The following ASPRV1 variants were observed in gnomAD, a reference collection of about 807,000 sequenced individuals.
ASPRV1 encodes aspartic peptidase retroviral like 1, also known as retroviral-like aspartic protease 1.
Under a neutral mutation model 11.0 loss-of-function variants are expected in ASPRV1, and 7 were observed. The ratio of observed to expected loss-of-function variants is 0.64; its 90% CI spans 0.36 to 1.20. The LOEUF (loss-of-function observed/expected upper bound fraction) is 1.20, where lower values mean the gene tolerates loss of function less well. Ranked by LOEUF, ASPRV1 falls within the 50% of genes most tolerant of loss-of-function variation. The pLI is 0.02. For synonymous variants in ASPRV1, 136 were observed against 138.4 expected (o/e 0.98, Z 0.12); for missense variants, 299 against 320.0 (o/e 0.93, Z 0.50).
At chr2:70,073,808 A>T in the ASPRV1 span, among the ~76,000 whole-genome samples, 1 of 151,952 alleles carries the variant, frequency 6.6e-6, no homozygotes, top group Admixed American at 6.6e-5. Context: ...TTGCCCTAGA[A>T]TCTGGCATCT....
At chr2:69,933,461 C>G in the ASPRV1 span, among the ~76,000 whole-genome samples, 2 of 152,122 alleles carry the variant, frequency 1.3e-5, no homozygotes, top group Middle Eastern at 3.4e-3. Context: ...TTTGCTCTGA[C>G]TCTGCCACAT....
At chr2:70,032,261 G>A in the ASPRV1 span, 1 of 152,282 alleles carries the variant, frequency 6.6e-6, no homozygotes, top group Middle Eastern at 3.4e-3. Flanking sequence ...CCTCCCTAAG[G>A]AATGAGCAAG....
the ASPRV1 span, chr2:69,938,355 TG>T: frequency 3.4e-6 from 5 of 1,483,392 alleles, no homozygotes; most frequent in Non-Finnish European, 4.6e-6. Flanking sequence ...GTATTGGACC[TG>T]CCCACAACTC....
the ASPRV1 span, chr2:70,019,351 G>C: frequency 6.6e-6 from 1 of 152,122 alleles, no homozygotes; most frequent in Non-Finnish European, 1.5e-5. Context: ...AAAACACTAT[G>C]GTGGTTCCTC....
At chr2:69,935,851 G>A in the ASPRV1 span, among the ~76,000 whole-genome samples, 15 of 152,176 alleles carry the variant, frequency 9.9e-5, no homozygotes, top group Admixed American at 2.0e-4. Context: ...GGTCCCTCCC[G>A]TCTGCTTTCC....
At chr2:69,951,221 C>T in the ASPRV1 span, among the ~76,000 whole-genome samples, 1 of 151,630 alleles carries the variant, frequency 6.6e-6, no homozygotes, top group South Asian at 2.1e-4. Context: ...GTCAAGAGAT[C>T]GAGACCATCC....
At chr2:69,978,912 C>T in the ASPRV1 span, among the ~76,000 whole-genome samples, 1 of 152,132 alleles carries the variant, frequency 6.6e-6, no homozygotes, top group African/African-American at 2.4e-5. Flanking sequence ...CTCTGTGTGG[C>T]CAGATTATTT....
chr2:70,058,271 TCTCA>T, the ASPRV1 span, among the ~76,000 whole-genome samples: 2 of 152,220 alleles, frequency 1.3e-5, no homozygotes, highest in African/African-American at 4.8e-5. Flanking sequence ...GGAAACTGAG[TCTCA>T]CTCTGTCACC....
chr2:70,075,796 G>A, the ASPRV1 span, among the ~76,000 whole-genome samples: 12 of 151,952 alleles, frequency 7.9e-5, no homozygotes, highest in African/African-American at 2.9e-4. Flanking sequence ...TTGCGGTGAG[G>A]TGAGATCACG....
At chr2:69,996,961 C>T in the ASPRV1 span, 5 of 294,478 alleles carry the variant, frequency 1.7e-5, no homozygotes, top group Non-Finnish European at 3.4e-5. Context: ...TCCAACAGTC[C>T]TCAGCAGGGG....
the ASPRV1 span, among the ~76,000 whole-genome samples, chr2:70,082,344 G>GA: frequency 2.9e-4 from 44 of 152,176 alleles, no homozygotes; most frequent in South Asian, 8.5e-3. Context: ...TGAGGCAGAA[G>GA]AATCACTTGA....
the ASPRV1 span, among the ~76,000 whole-genome samples, chr2:70,042,555 T>C: frequency 7.9e-5 from 12 of 151,938 alleles, no homozygotes; most frequent in African/African-American, 2.9e-4. Flanking sequence ...AAAGGTGAGA[T>C]GGAGGGAAAG....
At chr2:70,012,943 G>A in the ASPRV1 span, among the ~76,000 whole-genome samples, 2 of 152,198 alleles carry the variant, frequency 1.3e-5, no homozygotes. Context: ...ACAACTGACA[G>A]TATTTGTTGC....
chr2:70,072,280 G>A, the ASPRV1 span, among the ~76,000 whole-genome samples: 1 of 151,946 alleles, frequency 6.6e-6, no homozygotes, highest in Non-Finnish European at 1.5e-5. Flanking sequence ...AATTAGCCTG[G>A]TGTGGTGGCA....
At chr2:69,995,943 G>C in the ASPRV1 span, among the ~76,000 whole-genome samples, 1 of 152,142 alleles carries the variant, frequency 6.6e-6, no homozygotes, top group African/African-American at 2.4e-5. Context: ...TAAGAACCAA[G>C]GCCTCCTCCT....
the ASPRV1 span, among the ~76,000 whole-genome samples, chr2:70,055,088 A>C: frequency 2.6e-5 from 4 of 152,134 alleles, no homozygotes; most frequent in South Asian, 8.3e-4. Flanking sequence ...GGATTACCTG[A>C]GGTCAGGAGT....
the ASPRV1 span, chr2:70,070,206 C>T: frequency 7.8e-6 from 1 of 128,072 alleles, no homozygotes; most frequent in African/African-American, 2.9e-5. Flanking sequence ...AAAAAAAAGA[C>T]ATACCAGAAG....
chr2:70,020,678 G>A, the ASPRV1 span, among the ~76,000 whole-genome samples: 1 of 152,108 alleles, frequency 6.6e-6, no homozygotes, highest in African/African-American at 2.4e-5. Context: ...GGAGATGGAG[G>A]TTGCAGTGAG....
chr2:69,964,652 C>T, upstream of ASPRV1: 1 of 215,974 alleles, frequency 4.6e-6, no homozygotes, highest in Non-Finnish European at 9.5e-6. Context: ...GGCGGGACAC[C>T]CTCATTATCA....
Sources: allele counts gnomAD v4.1 joint callset (sites outside exome capture counted in the v4.1 genomes callset), GRCh38; gene constraint gnomAD v4.1.1; transcripts MANE v1.5; gene names NCBI Gene and HGNC (gene_info 2026-07-23, HGNC 2026-07-21).